SPPL3: variants seen among roughly 807,000 people sequenced by gnomAD.
The protein encoded by SPPL3 is signal peptide peptidase like 3.
SPPL3 carries 5 observed loss-of-function variants against 42.4 expected under a neutral mutation model. The observed-to-expected ratio is 0.12, with a 90% CI of 0.06 to 0.25. The LOEUF is 0.25. Among genes scored for constraint, SPPL3 ranks in the 10% least tolerant of loss-of-function variants. SPPL3 has a pLI of 1.00. For missense variants in SPPL3, 235 were observed against 489.0 expected (o/e 0.48, Z 4.90); for synonymous variants, 195 against 181.8 (o/e 1.07, Z -0.58).
intron 2 of SPPL3, among the ~76,000 whole-genome samples, chr12:120,803,174 T>C (rs1870379184): frequency 1.3e-5 from 2 of 152,230 alleles, no homozygotes; most frequent in South Asian, 2.1e-4. Context: ...ACAAAGCTTA[T>C]GGTGGTCCTT....
chr12:120,857,048 C>T (rs1872483821), intron 1 of SPPL3, among the ~76,000 whole-genome samples: 1 of 152,088 alleles, frequency 6.6e-6, no homozygotes, highest in African/African-American at 2.4e-5. Flanking sequence ...CTACTGGGAA[C>T]AGAATCCAGC....
chr12:120,845,062 G>A (rs1010701638), intron 1 of SPPL3: 19 of 285,584 alleles, frequency 6.7e-5, no homozygotes, highest in African/African-American at 3.7e-4. Flanking sequence ...TGTTTGCCAC[G>A]AGAGTAAAGC....
intron 1 of SPPL3, among the ~76,000 whole-genome samples, chr12:120,886,778 A>C (rs1213295939): frequency 6.6e-6 from 1 of 152,194 alleles, no homozygotes; most frequent in Non-Finnish European, 1.5e-5. Flanking sequence ...AAAGACACAC[A>C]GATCATACAT....
chr12:120,897,007 C>G (rs1873827515), intron 1 of SPPL3, among the ~76,000 whole-genome samples: 1 of 152,150 alleles, frequency 6.6e-6, no homozygotes, highest in South Asian at 2.1e-4. Flanking sequence ...ACTTGGTTAT[C>G]AACACTCTCT....
intron 1 of SPPL3, among the ~76,000 whole-genome samples, chr12:120,840,057 G>A (rs544892348): frequency 3.3e-5 from 5 of 152,060 alleles, no homozygotes; most frequent in South Asian, 2.1e-4. Context: ...GAGGCGGGTG[G>A]ATCACGAGGT....
chr12:120,775,185 C>CT (rs1869270877), intron 6 of SPPL3, among the ~76,000 whole-genome samples: 1 of 152,202 alleles, frequency 6.6e-6, no homozygotes, highest in Admixed American at 6.5e-5. Flanking sequence ...GAGTCTCACT[C>CT]TGTTGCCCAG....
At chr12:120,784,644 T>C (rs746859187) in intron 3 of SPPL3, 51 bp from the exon 4 acceptor site, 4 of 1,486,846 alleles carry the variant, frequency 2.7e-6, no homozygotes, top group Non-Finnish European at 3.7e-6. Flanking sequence ...CCAGGCACTG[T>C]GCCTATGCAC....
chr12:120,835,507 T>C (rs1183881108), intron 1 of SPPL3: 2 of 152,232 alleles, frequency 1.3e-5, no homozygotes, highest in African/African-American at 4.8e-5. Context: ...GTGCTGTCAC[T>C]CTTACAACAA....
At chr12:120,834,141 C>T (rs1871529822) in intron 1 of SPPL3, among the ~76,000 whole-genome samples, 1 of 152,140 alleles carries the variant, frequency 6.6e-6, no homozygotes, top group Non-Finnish European at 1.5e-5. Flanking sequence ...ACCACATCTG[C>T]TGAATACAGA....
chr12:120,793,206 C>T (rs149565095), intron 2 of SPPL3, among the ~76,000 whole-genome samples: 3 of 152,270 alleles, frequency 2.0e-5, no homozygotes, highest in African/African-American at 4.8e-5. Context: ...CAGGGAAATA[C>T]AAGTCAAAAC....
At chr12:120,887,151 T>C (rs779526520) in intron 1 of SPPL3, among the ~76,000 whole-genome samples, 1 of 152,050 alleles carries the variant, frequency 6.6e-6, no homozygotes, top group Non-Finnish European at 1.5e-5. Flanking sequence ...GGTTTCACCA[T>C]ACTGGCCAGG....
intron 1 of SPPL3, among the ~76,000 whole-genome samples, chr12:120,824,880 C>T (rs984808479): frequency 6.6e-6 from 1 of 152,144 alleles, no homozygotes; most frequent in Non-Finnish European, 1.5e-5. Flanking sequence ...GAGTAACAAA[C>T]TTCCATGCCC....
In SPPL3 at chr12:120,805,348, C is replaced by T. The variant is rs190102400; in HGVS notation, c.101+5461G>A. On this transcript the variant is annotated intron_variant, in intron 2 of 10. Coordinates refer to ENST00000353487, the MANE Select transcript of SPPL3 (RefSeq NM_139015.5). The stretch of plus-strand genomic sequence containing the variant: ...AATCCAATACCCATTCATGATAAAA[C>T]TCTCCACAAACTAGAAATAAGAGAA... 6.6e-5 allele frequency among the ~76,000 whole-genome samples: 10 copies of T among 152,258 alleles called. No individual in the cohort carries two copies. In the East Asian group the frequency reaches 1.9e-3, roughly 29 times the overall value.
chr12:120,903,707 G>T (rs1874057069), intron 1 of SPPL3, 138 bp downstream of exon 1: 1 of 738,686 alleles, frequency 1.4e-6, no homozygotes, highest in Non-Finnish European at 2.0e-6. Context: ...CGGTGGGGAA[G>T]AGGGGGGCGT....
intron 1 of SPPL3, among the ~76,000 whole-genome samples, chr12:120,811,959 C>G (rs1432980848): frequency 6.6e-6 from 1 of 151,944 alleles, no homozygotes; most frequent in African/African-American, 2.4e-5. Context: ...AGTCTAAGAA[C>G]AGGGGAGCTT....
chr12:120,808,436 T>C lies in SPPL3; in HGVS notation c.101+2373A>G, dbSNP rs193037949. On this transcript the variant is annotated intron_variant, in intron 2 of 10. Coordinates refer to ENST00000353487, the MANE Select transcript of SPPL3 (RefSeq NM_139015.5). ...GAAATCCTTTCCATCTATATAATTC[T>C]ATGATACACTTATTACATAAAATTT... Among the ~76,000 whole-genome samples the C allele has an allele frequency of 4.9e-4, 75 of 152,334 alleles. No individual in the cohort carries two copies. The East Asian group carries it at 0.014, about 29-fold the overall frequency.
intron 1 of SPPL3, among the ~76,000 whole-genome samples, chr12:120,885,807 T>C (rs1873433449): frequency 6.6e-6 from 1 of 151,092 alleles, no homozygotes; most frequent in Non-Finnish European, 1.5e-5. Context: ...TCAGCCAAAT[T>C]AGAAAATGTA....
At chr12:120,775,990 G>C (rs1869300272) in intron 6 of SPPL3, among the ~76,000 whole-genome samples, 1 of 152,104 alleles carries the variant, frequency 6.6e-6, no homozygotes, top group Admixed American at 6.5e-5. Flanking sequence ...TCACAGCAGA[G>C]AGCAAGACAC....
chr12:120,813,887 CAAAA>C (rs1265894569), intron 1 of SPPL3, among the ~76,000 whole-genome samples: 3 of 152,112 alleles, frequency 2.0e-5, no homozygotes, highest in Non-Finnish European at 4.4e-5. Context: ...TTTGCTTCTG[CAAAA>C]GCTTTATAAA....
Sources: allele counts gnomAD v4.1 joint callset (sites outside exome capture counted in the v4.1 genomes callset), GRCh38; gene constraint gnomAD v4.1.1; transcripts MANE v1.5; gene names NCBI Gene and HGNC (gene_info 2026-07-23, HGNC 2026-07-21).